PPFIA2: variants seen among roughly 807,000 people sequenced by gnomAD.
The protein encoded by PPFIA2 is liprin-alpha-2.
In PPFIA2, 46 loss-of-function variants were observed where a neutral mutation model predicts 175.5. That is an observed-to-expected ratio of 0.26 (90% CI 0.21 to 0.34). PPFIA2 has a LOEUF of 0.34. Among genes scored for constraint, PPFIA2 ranks in the 10% least tolerant of loss-of-function variants. The pLI is 1.00. For missense variants in PPFIA2, 1,179 were observed against 1,506.1 expected (o/e 0.78, Z 3.60); for synonymous variants, 568 against 511.4 (o/e 1.11, Z -1.49).
intron 16 of PPFIA2, among the ~76,000 whole-genome samples, chr12:81,354,989 T>C (rs1169455964): frequency 6.6e-6 from 1 of 152,206 alleles, no homozygotes. Context: ...ATGTTCTTAA[T>C]GGCGCCTAGA....
chr12:81,402,952 CAT>C (rs2042317040), intron 8 of PPFIA2, among the ~76,000 whole-genome samples: 1 of 152,106 alleles, frequency 6.6e-6, no homozygotes, highest in South Asian at 2.1e-4. Context: ...TAAATTGAAA[CAT>C]GTTTACATAT....
chr12:81,392,873 T>A (rs1292181900), intron 8 of PPFIA2, among the ~76,000 whole-genome samples: 2 of 151,902 alleles, frequency 1.3e-5, no homozygotes, highest in Non-Finnish European at 2.9e-5. Flanking sequence ...CATCCTTGAG[T>A]TCTCTCTTTT....
chr12:81,460,354 C>T (rs2054309760), intron 4 of PPFIA2, among the ~76,000 whole-genome samples: 1 of 152,048 alleles, frequency 6.6e-6, no homozygotes, highest in African/African-American at 2.4e-5. Context: ...GATTGTGTGG[C>T]CTCCCCAGTA....
intron 7 of PPFIA2, among the ~76,000 whole-genome samples, chr12:81,439,424 C>T (rs958254934): frequency 2.0e-5 from 3 of 151,518 alleles, no homozygotes; most frequent in South Asian, 2.1e-4. Flanking sequence ...GCGTTAAAAC[C>T]CAAGAGAAGT....
intron 7 of PPFIA2, chr12:81,430,524 ACTCTCTCTCTCTCTCTCT>A (rs10570346): frequency 1.6e-5 from 2 of 127,580 alleles, no homozygotes; most frequent in African/African-American, 2.8e-5. Flanking sequence ...TATGCTTAAA[ACTCTCTCTCTCTCTCTCT>A]CTCTCTCTCT....
intron 3 of PPFIA2, among the ~76,000 whole-genome samples, chr12:81,717,870 A>C (rs1325150996): frequency 6.6e-6 from 1 of 151,680 alleles, no homozygotes; most frequent in Non-Finnish European, 1.5e-5. Context: ...AAACATAAAA[A>C]AAAACCTAAA....
chr12:81,582,400 T>C (rs1230189306), intron 4 of PPFIA2, among the ~76,000 whole-genome samples: 1 of 151,844 alleles, frequency 6.6e-6, no homozygotes, highest in Non-Finnish European at 1.5e-5. Flanking sequence ...TTTCTCTATA[T>C]TTTTTGAAAA....
rs1211716611 is a variant in PPFIA2 at position 81,734,504 on chromosome 12, C to T, written c.249+19469G>A. ...CTTAATCATTTATTTTCCAGATTAG[C>T]ATTTTACAAATGTAATTCTATGAAT... On this transcript the variant is annotated intron_variant, in intron 3 of 32. Transcript: ENST00000549396. Among the ~76,000 whole-genome samples, 20 of 151,576 alleles carry T rather than the reference C, an allele frequency of 1.3e-4. No homozygotes were observed. In the Admixed American group the frequency reaches 1.3e-3, roughly 10 times the overall value.
chr12:81,680,559 G>T (rs1288513010), intron 3 of PPFIA2, among the ~76,000 whole-genome samples: 1 of 151,860 alleles, frequency 6.6e-6, no homozygotes, highest in African/African-American at 2.4e-5. Context: ...AAATCTTGAT[G>T]GAATATCCCG....
intron 7 of PPFIA2, among the ~76,000 whole-genome samples, chr12:81,431,924 T>C (rs1354235703): frequency 2.0e-5 from 3 of 152,264 alleles, no homozygotes; most frequent in Admixed American, 6.5e-5. Flanking sequence ...TTCTATTTTC[T>C]TTCTCCAAGT....
chr12:81,289,022 A>G (rs1385111156), intron 24 of PPFIA2, among the ~76,000 whole-genome samples: 2 of 151,824 alleles, frequency 1.3e-5, no homozygotes, highest in Admixed American at 6.6e-5. Flanking sequence ...TTGTTAGGAG[A>G]AAACCCACAT....
intron 28 of PPFIA2, among the ~76,000 whole-genome samples, chr12:81,272,249 G>C (rs975766118): frequency 9.2e-5 from 14 of 151,730 alleles, no homozygotes; most frequent in African/African-American, 3.1e-4. Context: ...CGAGAACCTT[G>C]AGTCTGTGGT....
chr12:81,394,993 C>T (rs192667586), intron 8 of PPFIA2, among the ~76,000 whole-genome samples: 1 of 152,000 alleles, frequency 6.6e-6, no homozygotes, highest in African/African-American at 2.4e-5. Context: ...CTTTTACAAG[C>T]TTTATATGTC....
intron 8 of PPFIA2, among the ~76,000 whole-genome samples, chr12:81,401,784 T>A (rs2042133738): frequency 6.6e-6 from 1 of 152,146 alleles, no homozygotes; most frequent in South Asian, 2.1e-4. Context: ...TTAACTTCCA[T>A]CTAGAAAGAA....
chr12:81,385,847 T>G (rs1595900931), intron 8 of PPFIA2, among the ~76,000 whole-genome samples: 1 of 152,160 alleles, frequency 6.6e-6, no homozygotes, highest in African/African-American at 2.4e-5. Flanking sequence ...GAGTAGATTT[T>G]AAGTGCTCTC....
At chr12:81,512,611 T>C (rs1489776692) in intron 4 of PPFIA2, among the ~76,000 whole-genome samples, 2 of 152,018 alleles carry the variant, frequency 1.3e-5, no homozygotes, top group Non-Finnish European at 2.9e-5. Flanking sequence ...CTGGTGGTGA[T>C]TTCTGAGATT....
intron 17 of PPFIA2, 109 bp downstream of exon 17, chr12:81,353,010 T>C: frequency 1.1e-6 from 1 of 899,928 alleles, no homozygotes; most frequent in Non-Finnish European, 1.7e-6. Flanking sequence ...ATTCTGCAGA[T>C]CTATTAAGCT....
At chr12:81,557,447 A>G (rs1429940998) in intron 4 of PPFIA2, among the ~76,000 whole-genome samples, 1 of 151,896 alleles carries the variant, frequency 6.6e-6, no homozygotes, top group East Asian at 1.9e-4. Context: ...GAGGCATCCA[A>G]TTTCAAACTT....
At chr12:81,458,397 T>C (rs941577349) in intron 4 of PPFIA2, among the ~76,000 whole-genome samples, 11 of 152,044 alleles carry the variant, frequency 7.2e-5, no homozygotes, top group Non-Finnish European at 1.6e-4. Flanking sequence ...TTGATAGCAT[T>C]ATCTAAGATT....
Sources: allele counts gnomAD v4.1 joint callset (sites outside exome capture counted in the v4.1 genomes callset), GRCh38; gene constraint gnomAD v4.1.1; transcripts MANE v1.5; gene names NCBI Gene and HGNC (gene_info 2026-07-23, HGNC 2026-07-21).